ATF3: variants seen among roughly 807,000 people sequenced by gnomAD.
The protein encoded by ATF3 is cyclic AMP-dependent transcription factor ATF-3.
In ATF3, 10 loss-of-function variants were observed where a neutral mutation model predicts 18.4. The observed-to-expected ratio is 0.54, with a 90% CI of 0.34 to 0.92. The LOEUF (loss-of-function observed/expected upper bound fraction) is 0.92, where lower values mean the gene tolerates loss of function less well. ATF3 is among the 40% of genes least tolerant of loss of function. The pLI is 0.02. For synonymous variants in ATF3, 78 were observed against 87.9 expected (o/e 0.89, Z 0.63); for missense variants, 183 against 222.3 (o/e 0.82, Z 1.12).
intron 1 of ATF3, among the ~76,000 whole-genome samples, chr1:212,571,614 A>AT (rs1401521296): frequency 6.7e-6 from 1 of 148,678 alleles, no homozygotes; most frequent in Non-Finnish European, 1.5e-5. Context: ...CATTTTGGCC[A>AT]TTTTCTTCTG....
At chr1:212,581,531 T>C (rs998552762) in intron 1 of ATF3, among the ~76,000 whole-genome samples, 29 of 152,210 alleles carry the variant, frequency 1.9e-4, no homozygotes, top group African/African-American at 6.3e-4. Flanking sequence ...TTTTATGGAA[T>C]TTGAAATACA....
intron 1 of ATF3, among the ~76,000 whole-genome samples, chr1:212,568,448 C>G (rs984733679): frequency 3.3e-5 from 5 of 152,134 alleles, no homozygotes; most frequent in African/African-American, 4.8e-5. Flanking sequence ...AAGAGCACAC[C>G]AAAAACATCG....
chr1:212,609,384 G>GC (rs1414644797), intron 1 of ATF3, among the ~76,000 whole-genome samples: 6 of 144,466 alleles, frequency 4.2e-5, no homozygotes, highest in Non-Finnish European at 9.3e-5. Context: ...GTGGGGGGGG[G>GC]GGGGCGCAGA....
chr1:212,609,247 TTGC>T (rs1281095311), intron 1 of ATF3, among the ~76,000 whole-genome samples: 2 of 152,214 alleles, frequency 1.3e-5, no homozygotes, highest in Admixed American at 6.5e-5. Context: ...CGGCGCTGGC[TTGC>T]CCGGCTGGGA....
chr1:212,575,504 T>A (rs1238463087), intron 1 of ATF3, among the ~76,000 whole-genome samples: 2 of 152,132 alleles, frequency 1.3e-5, no homozygotes, highest in East Asian at 3.8e-4. Context: ...AATCTTTCTC[T>A]TTTTCCATTG....
At position 212,618,341 on chromosome 1, in the gene ATF3, C is replaced by T; in HGVS notation, c.348+107C>T. ...AAAACCCCCTACTTGGTTATAGTTT[C>T]CCAAGAAGGGCCTTGTAGCTGGTAG... is the stretch of plus-strand genomic sequence containing the variant. On this transcript the variant is annotated intron_variant, in intron 3 of 3. Coordinates refer to ENST00000341491, the MANE Select transcript of ATF3 (RefSeq NM_001674.4). This position sits in a 1 kb window ranked among gnomAD's most constrained non-coding sequence, Gnocchi z 4.4. 2 of 1,169,564 alleles carry T rather than the reference C, an allele frequency of 1.7e-6. No homozygotes were observed. Among genetic ancestry groups the T allele is most frequent in the South Asian group, 1.2e-5 (1 of 81,062 alleles). 72.4% of individuals were successfully genotyped at this position (1,169,564 alleles called of 1,614,324 possible). A position where few individuals can be genotyped will look rare whatever the true frequency, so the allele number is the denominator to read the frequency against.
chr1:212,574,895 T>C (rs182495553), intron 1 of ATF3, among the ~76,000 whole-genome samples: 2 of 152,148 alleles, frequency 1.3e-5, no homozygotes, highest in African/African-American at 4.8e-5. Flanking sequence ...TTTCAATAAG[T>C]CTAAATATCT....
chr1:212,577,738 G>T (rs1006145091), intron 1 of ATF3, among the ~76,000 whole-genome samples: 13 of 152,298 alleles, frequency 8.5e-5, no homozygotes, highest in African/African-American at 2.9e-4. Flanking sequence ...CATCCATGTT[G>T]TGGCAAATGA....
At chr1:212,598,218 A>G (rs1046641465) in intron 1 of ATF3, among the ~76,000 whole-genome samples, 6 of 152,006 alleles carry the variant, frequency 3.9e-5, no homozygotes, top group African/African-American at 1.4e-4. Context: ...ATTTTATGGA[A>G]ATTTCTTTAT....
chr1:212,569,363 A>G (rs1664439554), intron 1 of ATF3, among the ~76,000 whole-genome samples: 1 of 152,228 alleles, frequency 6.6e-6, no homozygotes, highest in Non-Finnish European at 1.5e-5. Context: ...AATAGTGGCA[A>G]TACTTTTTCC....
intron 1 of ATF3, among the ~76,000 whole-genome samples, chr1:212,577,629 T>A (rs1022042050): frequency 6.6e-6 from 1 of 151,290 alleles, no homozygotes; most frequent in Non-Finnish European, 1.5e-5. Flanking sequence ...TCTGCTTCTG[T>A]AAGATCAACT....
intron 1 of ATF3, among the ~76,000 whole-genome samples, chr1:212,582,498 C>T (rs1328800018): frequency 1.3e-5 from 2 of 152,226 alleles, no homozygotes; most frequent in Non-Finnish European, 2.9e-5. Flanking sequence ...ATTTTAGTCA[C>T]AGTCATTAGT....
intron 1 of ATF3, among the ~76,000 whole-genome samples, chr1:212,599,989 C>T (rs1241559217): frequency 6.6e-6 from 1 of 152,200 alleles, no homozygotes; most frequent in Non-Finnish European, 1.5e-5. Context: ...ATAAAGCAAT[C>T]CTGAATTTTG....
chr1:212,575,366 C>T (rs1016986792), intron 1 of ATF3, among the ~76,000 whole-genome samples: 3 of 151,832 alleles, frequency 2.0e-5, no homozygotes, highest in South Asian at 2.1e-4. Flanking sequence ...ATTAAGAATG[C>T]TATTGATTTT....
At position 212,575,316 on chromosome 1, in the gene ATF3, A is replaced by G. The variant is rs185770668; in HGVS notation, c.-5+9833A>G. Among the ~76,000 whole-genome samples, 505 of 152,174 alleles carry G rather than the reference A, an allele frequency of 3.3e-3. 2 individuals carry two copies. Among genetic ancestry groups the G allele is most frequent in the Non-Finnish European group, 4.0e-3 (271 of 67,960 alleles). ...CATGTAATTTCTGTTACTATTATAA[A>G]TGGGATTTTTTCAATTATATTTTCT... On this transcript the variant is annotated intron_variant, in intron 1 of 3. Coordinates refer to the ATF3 transcript ENST00000366981.
chr1:212,597,460 CTCTA>C (rs534381014), intron 1 of ATF3, among the ~76,000 whole-genome samples: 4 of 131,778 alleles, frequency 3.0e-5, no homozygotes, highest in African/African-American at 1.1e-4. Flanking sequence ...TCATCTATCT[CTCTA>C]TCTAGCTAGC....
chr1:212,611,050 G>C (rs1654874543), intron 1 of ATF3, among the ~76,000 whole-genome samples: 2 of 152,224 alleles, frequency 1.3e-5, no homozygotes, highest in Non-Finnish European at 2.9e-5. Flanking sequence ...GCTGGGCATG[G>C]GACAGGGCCA....
At position 212,576,721 on chromosome 1, in the gene ATF3, C is replaced by CTTTTTTTTTTTTTTTTT. The variant is rs57512671; in HGVS notation, c.-5+11246_-5+11262dup. On this transcript the variant is annotated intron_variant, in intron 1 of 3. Coordinates refer to the ATF3 transcript ENST00000366981. ...AAAAAATATTCTTTTCTTTTCTTTT[C>CTTTTTTTTTTTTTTTTT]TTTTTTTTTTTTTTTTTTTTTTTTG... Among the ~76,000 whole-genome samples, 10 of 57,306 alleles carry CTTTTTTTTTTTTTTTTT rather than the reference C, an allele frequency of 1.7e-4. 1 individual carries two copies. Among genetic ancestry groups the CTTTTTTTTTTTTTTTTT allele is most frequent in the Admixed American group, 3.0e-4 (1 of 3,352 alleles). 37.6% of individuals were successfully genotyped at this position (57,306 alleles called of 152,430 possible).
chr1:212,605,592 T>C (rs1332832416), upstream of ATF3, among the ~76,000 whole-genome samples: 1 of 152,250 alleles, frequency 6.6e-6, no homozygotes, highest in Non-Finnish European at 1.5e-5. Context: ...TGCACTGAAC[T>C]AAGAAACTGC....
Sources: gnomAD v4.1 joint callset for allele counts (sites outside exome capture counted in the v4.1 genomes callset) on GRCh38, gnomAD v4.1.1 for gene constraint, Gnocchi (gnomAD v3.1) non-coding constraint, MANE v1.5 for transcripts, NCBI Gene and HGNC (gene_info 2026-07-23, HGNC 2026-07-21) for gene names.